Variants in DPH6 observed in about 807,000 individuals in gnomAD.
DPH6 encodes the protein diphthine--ammonia ligase.
Under a neutral mutation model 38.2 loss-of-function variants are expected in DPH6, and 33 were observed. The ratio of observed to expected loss-of-function variants is 0.86; its 90% CI spans 0.65 to 1.15. The LOEUF (loss-of-function observed/expected upper bound fraction) is 1.15. Among genes scored for constraint, DPH6 ranks in the 50% most tolerant of loss-of-function variants. DPH6 has a pLI of 0.00. For missense variants in DPH6, 325 were observed against 320.0 expected, an observed-to-expected ratio of 1.02 and a Z score of -0.12; for synonymous variants, 108 against 103.0, an observed-to-expected ratio of 1.05 and a Z score of -0.30.
intron 7 of DPH6, 127 bp from the exon 8 acceptor site, chr15:35,373,735 G>T: frequency 1.8e-6 from 1 of 550,974 alleles, no homozygotes; most frequent in Non-Finnish European, 3.0e-6. Flanking sequence ...ACAACATGTA[G>T]TGATTAATAA....
intron 5 of DPH6, among the ~76,000 whole-genome samples, chr15:35,430,798 T>C (rs187658186): frequency 3.5e-4 from 54 of 152,286 alleles, no homozygotes; most frequent in Admixed American, 2.8e-3. Context: ...ATTTAGAAAT[T>C]GTGACACTGC....
chr15:35,432,669 T>C (rs191456913), intron 5 of DPH6, among the ~76,000 whole-genome samples: 82 of 152,314 alleles, frequency 5.4e-4, no homozygotes, highest in African/African-American at 1.9e-3. Flanking sequence ...TTAGCTTTCT[T>C]ATGTTAACAC....
intron 2 of DPH6, among the ~76,000 whole-genome samples, chr15:35,541,812 T>C (rs954821595): frequency 5.9e-5 from 9 of 152,110 alleles, no homozygotes; most frequent in Admixed American, 1.3e-4. Context: ...GGATATTTCA[T>C]TGGAGAAAAG....
intron 3 of DPH6, among the ~76,000 whole-genome samples, chr15:35,338,923 A>G (rs2052397782): frequency 6.6e-6 from 1 of 152,164 alleles, no homozygotes; most frequent in African/African-American, 2.4e-5. Flanking sequence ...TCAGCAAACT[A>G]TCACAAGGAC....
chr15:35,351,785 A>C (rs765471106), intron 3 of DPH6, among the ~76,000 whole-genome samples: 26 of 150,118 alleles, frequency 1.7e-4, no homozygotes, highest in Non-Finnish European at 3.2e-4. Context: ...GCAGTGGTGC[A>C]ATTATGGCTC....
At chr15:35,245,620 T>C (rs944697537) in intron 3 of DPH6, among the ~76,000 whole-genome samples, 15 of 152,202 alleles carry the variant, frequency 9.9e-5, no homozygotes, top group African/African-American at 3.6e-4. Context: ...GAAAGCATTA[T>C]CTAAGACAAG....
At chr15:35,253,756 T>TA (rs2051690030) in intron 3 of DPH6, among the ~76,000 whole-genome samples, 1 of 152,214 alleles carries the variant, frequency 6.6e-6, no homozygotes, top group Non-Finnish European at 1.5e-5. Context: ...TGAAACTATC[T>TA]GATCAATCCA....
intron 3 of DPH6, among the ~76,000 whole-genome samples, chr15:35,278,461 C>T (rs2051873637): frequency 6.6e-6 from 1 of 152,170 alleles, no homozygotes; most frequent in South Asian, 2.1e-4. Flanking sequence ...GGGGTAGAGC[C>T]CCCGCAGAGA....
chr15:35,520,760 G>GA lies in DPH6; in HGVS notation c.312+17513dup, dbSNP rs199590879. The GA allele has an allele frequency of 1.1e-4, 111 of 980,668 alleles. No homozygotes were observed. In the East Asian group the frequency reaches 1.4e-3, roughly 12 times the overall value. The allele number at this position is 980,668 out of a possible 1,614,324, so 60.7% of individuals were successfully genotyped here. On this transcript the variant is annotated intron_variant, in intron 3 of 8. Coordinates refer to ENST00000256538, the MANE Select transcript of DPH6 (RefSeq NM_080650.4). ...TCAAACCAAGTAGAATATGTACAAT[G>GA]AAAAAAAAATCCTCCATTAATGTAT... is the stretch of plus-strand genomic sequence containing the variant.
the DPH6 span, among the ~76,000 whole-genome samples, chr15:35,189,735 C>T: frequency 1.3e-3 from 193 of 152,122 alleles, 1 homozygote; most frequent in Non-Finnish European, 7.1e-4. Context: ...AGAAAAGCCA[C>T]GACAAATTTA....
chr15:35,282,167 A>G (rs1298775232), intron 3 of DPH6, among the ~76,000 whole-genome samples: 1 of 151,902 alleles, frequency 6.6e-6, no homozygotes, highest in East Asian at 1.9e-4. Context: ...TTCTGCAAAT[A>G]GTTTTTCTTT....
At chr15:35,426,002 A>T (rs943146087) in intron 5 of DPH6, among the ~76,000 whole-genome samples, 9 of 151,312 alleles carry the variant, frequency 5.9e-5, no homozygotes, top group Non-Finnish European at 1.3e-4. Context: ...TCCCCTTTAT[A>T]AACTGAGCAA....
intron 3 of DPH6, among the ~76,000 whole-genome samples, chr15:35,479,292 T>C (rs1406811574): frequency 1.3e-5 from 2 of 152,064 alleles, no homozygotes; most frequent in Non-Finnish European, 2.9e-5. Flanking sequence ...CAATTTAAAA[T>C]TTACTGTCTA....
chr15:35,300,416 A>G (rs1595467496), intron 3 of DPH6, among the ~76,000 whole-genome samples: 1 of 152,340 alleles, frequency 6.6e-6, no homozygotes, highest in South Asian at 2.1e-4. Context: ...GTAAAACCGT[A>G]GAGAAGAATG....
chr15:35,209,808 T>C, the DPH6 span, among the ~76,000 whole-genome samples: 3 of 152,196 alleles, frequency 2.0e-5, no homozygotes, highest in African/African-American at 7.2e-5. Context: ...TCAAACCTTA[T>C]TATTCCAGAT....
At chr15:35,228,340 A>G (rs2051496170) in intron 3 of DPH6, among the ~76,000 whole-genome samples, 1 of 152,244 alleles carries the variant, frequency 6.6e-6, no homozygotes, top group African/African-American at 2.4e-5. Flanking sequence ...TAGTCTTTCT[A>G]CGTAGGATAC....
At chr15:35,185,724 CTTTTT>C in the DPH6 span, among the ~76,000 whole-genome samples, 3 of 83,014 alleles carry the variant, frequency 3.6e-5, no homozygotes, top group African/African-American at 8.2e-5. Flanking sequence ...CCAATCCACT[CTTTTT>C]TTTTTTTTTT....
rs67243158 is a variant in DPH6 at position 35,285,872 on chromosome 15, G to GTT, written n.201-65292_201-65291dup. 8.3e-4 allele frequency among the ~76,000 whole-genome samples: 44 copies of GTT among 52,816 alleles called. 9 individuals carry two copies. The highest frequency in any genetic ancestry group is 3.6e-3 in the East Asian group (6 of 1,690). 34.6% of individuals were successfully genotyped at this position (52,816 alleles called of 152,430 possible). On this transcript the variant is annotated intron_variant and non_coding_transcript_variant, in intron 3 of 3. Coordinates refer to the DPH6 transcript ENST00000560386. The stretch of plus-strand genomic sequence containing the variant: ...GACTCAATTATCATTTTATCTTTGA[G>GTT]TTTTTTTTTTTTTTTTTACCTGAGA...
At chr15:35,293,732 G>A (rs2051995466) in intron 3 of DPH6, among the ~76,000 whole-genome samples, 1 of 152,210 alleles carries the variant, frequency 6.6e-6, no homozygotes, top group African/African-American at 2.4e-5. Flanking sequence ...GACAAAGGAA[G>A]AGGATGCACT....
Sources: allele counts gnomAD v4.1 joint callset (sites outside exome capture counted in the v4.1 genomes callset), GRCh38; gene constraint gnomAD v4.1.1; transcripts MANE v1.5; gene names NCBI Gene and HGNC (gene_info 2026-07-23, HGNC 2026-07-21).